The following JRK variants were observed in gnomAD, a reference collection of about 807,000 sequenced individuals.
JRK encodes Jrk helix-turn-helix protein.
For synonymous variants in JRK, 303 were observed against 218.1 expected (o/e 1.39, Z -3.43); for missense variants, 720 against 509.2 (o/e 1.41, Z -3.98).
Position 142,666,162 on chromosome 8 carries a change from CCTCTCCA to C in JRK, c.-111_-105del, listed in dbSNP as rs1275714892. 1 of 1,543,238 alleles carries C rather than the reference CCTCTCCA, an allele frequency of 6.5e-7. No homozygotes were observed. The highest frequency in any genetic ancestry group is 2.4e-5 in the East Asian group (1 of 40,840). ...CTCCCCTTCTGGGGCTCCGTCTCTC[CCTCTCCA>C]CTCTGCCTGCCTGCTCTGCTGATCC... On this transcript the variant is annotated 5_prime_UTR_variant, in exon 2 of 2. Transcript: ENST00000612905.
At chr8:142,649,967 C>G in the JRK span, among the ~76,000 whole-genome samples, 1 of 152,244 alleles carries the variant, frequency 6.6e-6, no homozygotes, top group African/African-American at 2.4e-5. Context: ...GTGAAAGCAG[C>G]CAGGAGGAAA....
chr8:142,650,893 T>C, the JRK span, among the ~76,000 whole-genome samples: 1 of 152,212 alleles, frequency 6.6e-6, no homozygotes. Flanking sequence ...GTTTAAGGAC[T>C]GAAACAAACT....
At chr8:142,655,322 G>C (rs368732102), downstream of JRK, among the ~76,000 whole-genome samples, 2 of 152,358 alleles carry the variant, frequency 1.3e-5, no homozygotes, top group South Asian at 2.1e-4. Context: ...TAGGCACTGT[G>C]TGAAGGTTGG....
intron 1 of JRK, among the ~76,000 whole-genome samples, chr8:142,669,705 A>T (rs1268084800): frequency 1.7e-4 from 26 of 150,886 alleles, no homozygotes; most frequent in African/African-American, 6.3e-4. Context: ...GTCGCGCGGG[A>T]AGCACAGGGC....
intron 1 of JRK, among the ~76,000 whole-genome samples, chr8:142,669,343 G>GT (rs1190993562): frequency 6.6e-6 from 1 of 152,124 alleles, no homozygotes; most frequent in Admixed American, 6.5e-5. Context: ...GCCTGGGGCC[G>GT]TGCGCCCCGC....
the JRK span, among the ~76,000 whole-genome samples, chr8:142,644,122 CT>C: frequency 3.3e-5 from 5 of 151,988 alleles, no homozygotes; most frequent in Non-Finnish European, 7.4e-5. Flanking sequence ...GAAAGTTTTC[CT>C]TTTATTCTGA....
At chr8:142,651,903 T>C in the JRK span, among the ~76,000 whole-genome samples, 1 of 152,146 alleles carries the variant, frequency 6.6e-6, no homozygotes, top group Non-Finnish European at 1.5e-5. Flanking sequence ...TCATCTTCCC[T>C]GTTGGAAGTG....
Position 142,661,213 on chromosome 8 carries a change from C to T in JRK, c.*3139G>A, listed in dbSNP as rs1442370656. 7 of 985,468 alleles carry T rather than the reference C, an allele frequency of 7.1e-6. No homozygotes were observed. The highest frequency in any genetic ancestry group is 8.4e-6 in the Non-Finnish European group (7 of 830,062). 61.0% of individuals were successfully genotyped at this position (985,468 alleles called of 1,614,324 possible). ...CTTCCAGGACAGCGTGCCTGGGGTG[C>T]TCGCAGAAGGCCAGGCTGGCACAGG... On this transcript the variant is annotated 3_prime_UTR_variant, in exon 2 of 2. Transcript: ENST00000612905.
At chr8:142,668,672 T>TG (rs1242844471) in intron 1 of JRK, among the ~76,000 whole-genome samples, 2 of 151,186 alleles carry the variant, frequency 1.3e-5, no homozygotes, top group Non-Finnish European at 2.9e-5. Flanking sequence ...TCTCCATGCC[T>TG]GACATGCAGG....
In JRK at chr8:142,663,270, G is replaced by A; in HGVS notation, c.*1082C>T. 1 of 985,452 alleles carries A rather than the reference G, an allele frequency of 1.0e-6. No individual in the cohort carries two copies. Among genetic ancestry groups the A allele is most frequent in the African/African-American group, 1.7e-5 (1 of 57,344 alleles). The allele number at this position is 985,452 out of a possible 1,614,324, so 61.0% of individuals were successfully genotyped here. A position where few individuals can be genotyped will look rare whatever the true frequency, so the allele number is the denominator to read the frequency against. ...GGCAGTGAGTGTTGCCCGTGAAATG[G>A]AGATGCCGCAAAGCAACTACAGACA... On this transcript the variant is annotated 3_prime_UTR_variant, in exon 2 of 2. Transcript: ENST00000612905.
Position 142,665,073 on chromosome 8 carries a change from T to A in JRK, c.986A>T (p.Gln329Leu), listed in dbSNP as rs1554635499. ...TCTCCGAATGCCCTGCTCCATGGGC[T>A]GCACCAATGAGGCCACGCTGGCAGG... ...FLPASVASLV[Q>L]PMEQGIRRDF... The change falls in exon 2 of 2, where the codon CAG becomes CTG. Residue 329 changes from glutamine to leucine, a missense_variant. Gln to Leu is a moderately radical substitution (Grantham distance 113, BLOSUM62 -2). Coordinates refer to ENST00000612905, the MANE Select transcript of JRK (RefSeq NM_003724.4). 2 of 717,822 alleles carry A rather than the reference T, an allele frequency of 2.8e-6. No homozygotes were observed. The highest frequency in any genetic ancestry group is 4.0e-5 in the Admixed American group (2 of 50,026). The allele number at this position is 717,822 out of a possible 1,614,324, so 44.5% of individuals were successfully genotyped here. A position where few individuals can be genotyped will look rare whatever the true frequency, so the allele number is the denominator to read the frequency against.
chr8:142,657,707 C>A lies in JRK; in HGVS notation c.*6645G>T, dbSNP rs1016463087. ...CTCACTTGTTACCACAAAGATGGCA[C>A]CAGGCTATTCATGAAGGATCCATCC... On this transcript the variant is annotated 3_prime_UTR_variant, in exon 2 of 2. Coordinates refer to ENST00000612905, the MANE Select transcript of JRK (RefSeq NM_003724.4). 1.3e-5 allele frequency: 2 copies of A among 152,210 alleles called. No individual in the cohort carries two copies. Among genetic ancestry groups the A allele is most frequent in the African/African-American group, 4.8e-5 (2 of 41,448 alleles). 9.4% of individuals were successfully genotyped at this position (152,210 alleles called of 1,614,324 possible).
At chr8:142,669,163 AGTGTGTGTGTGTGTGT>A (rs59300327) in intron 1 of JRK, among the ~76,000 whole-genome samples, 11 of 136,214 alleles carry the variant, frequency 8.1e-5, no homozygotes, top group South Asian at 5.2e-4. Flanking sequence ...GCAGGGGCAT[AGTGTGTGTGTGTGTGT>A]GTGTGTGTGT....
chr8:142,661,107 C>T lies in JRK; in HGVS notation c.*3245G>A, dbSNP rs116150226. The stretch of plus-strand genomic sequence containing the variant: ...TCGCATGCTCAGCCATGGCTGAGCA[C>T]GAATGAAGCATATGGAAGTCACGCA... On this transcript the variant is annotated 3_prime_UTR_variant, in exon 2 of 2. Coordinates refer to ENST00000612905, the MANE Select transcript of JRK (RefSeq NM_003724.4). The T allele has an allele frequency of 6.0e-4, 587 of 985,444 alleles. 5 individuals are homozygous for T. The African/African-American group carries it at 7.3e-3, about 12-fold the overall frequency. The allele number at this position is 985,444 out of a possible 1,614,324, so 61.0% of individuals were successfully genotyped here.
rs1554635045 is a variant in JRK at position 142,664,240 on chromosome 8, TTGAG to T, written c.*108_*111del. ...GGGCGACCCACTCCTGGAAGGGCTC[TTGAG>T]TGTCTGCACATGCCCTCCTGCCTCA... On this transcript the variant is annotated 3_prime_UTR_variant, in exon 2 of 2. Coordinates refer to ENST00000612905, the MANE Select transcript of JRK (RefSeq NM_003724.4). 2 of 1,433,176 alleles carry T rather than the reference TTGAG, an allele frequency of 1.4e-6. No homozygotes were observed. The highest frequency in any genetic ancestry group is 2.9e-5 in the African/African-American group (2 of 69,556). The allele number at this position is 1,433,176 out of a possible 1,614,324, so 88.8% of individuals were successfully genotyped here.
rs1846833990 is a variant in JRK at position 142,659,116 on chromosome 8, C to T, written c.*5236G>A. The T allele has an allele frequency of 3.7e-6, 5 of 1,364,516 alleles. No homozygotes were observed. The highest frequency in any genetic ancestry group is 4.7e-6 in the Non-Finnish European group (5 of 1,057,344). The allele number at this position is 1,364,516 out of a possible 1,614,324, so 84.5% of individuals were successfully genotyped here. On this transcript the variant is annotated 3_prime_UTR_variant, in exon 2 of 2. Coordinates refer to ENST00000612905, the MANE Select transcript of JRK (RefSeq NM_003724.4). ...AAGGTACAATGAAATAGAAAAAAGG[C>T]TGGCCAGGTGCCAAGTCCCAGCTCA... is the stretch of plus-strand genomic sequence containing the variant.
the JRK span, among the ~76,000 whole-genome samples, chr8:142,651,703 A>C: frequency 6.6e-6 from 1 of 152,224 alleles, no homozygotes; most frequent in Admixed American, 6.5e-5. Context: ...AAAACAACAA[A>C]GAGCAAAGCA....
chr8:142,655,602 G>C (rs587707866), downstream of JRK, among the ~76,000 whole-genome samples: 9 of 96,908 alleles, frequency 9.3e-5, no homozygotes, highest in African/African-American at 2.6e-4. Flanking sequence ...AAACGGCTCC[G>C]GACTCCAAAC....
chr8:142,669,609 AG>A (rs1371933375), intron 1 of JRK, among the ~76,000 whole-genome samples: 4 of 152,116 alleles, frequency 2.6e-5, no homozygotes, highest in Non-Finnish European at 5.9e-5. Flanking sequence ...GTGGAAGCGC[AG>A]GAAGGGTCCG....
Sources: allele counts gnomAD v4.1 joint callset (sites outside exome capture counted in the v4.1 genomes callset), GRCh38; gene constraint gnomAD v4.1.1; transcripts MANE v1.5; gene names NCBI Gene and HGNC (gene_info 2026-07-23, HGNC 2026-07-21).